Variants in CLEC16A observed in about 807,000 individuals in gnomAD.
The protein encoded by CLEC16A is protein CLEC16A.
A neutral mutation model predicts 109.5 loss-of-function variants in CLEC16A; 51 were observed. The ratio of observed to expected loss-of-function variants is 0.47; its 90% CI spans 0.37 to 0.59. The LOEUF (loss-of-function observed/expected upper bound fraction) is 0.59, where lower values mean the gene tolerates loss of function less well. Among genes scored for constraint, CLEC16A ranks in the 20% least tolerant of loss-of-function variants. The pLI, the probability that CLEC16A is intolerant of heterozygous loss-of-function variation, is 0.00. For synonymous variants in CLEC16A, 673 were observed against 564.2 expected (o/e 1.19, Z -2.73); for missense variants, 1,339 against 1,394.0 (o/e 0.96, Z 0.63).
chr16:11,106,456 A>ATTTTTTTTTTTTTTTTTTTTTTT (rs538713695), intron 19 of CLEC16A, among the ~76,000 whole-genome samples: 1 of 133,560 alleles, frequency 7.5e-6, no homozygotes. Context: ...ACCCAGCCCA[A>ATTTTTTTTTTTTTTTTTTTTTTT]TTTTTTTTTT....
chr16:10,972,402 C>T, intron 5 of CLEC16A, 152 bp from the exon 6 acceptor site: 1 of 658,538 alleles, frequency 1.5e-6, no homozygotes, highest in Non-Finnish European at 2.7e-6. Flanking sequence ...TTTCTCCTGT[C>T]TCCTTCTAAC....
chr16:11,142,460 T>G (rs893578216), intron 22 of CLEC16A, among the ~76,000 whole-genome samples: 27 of 152,368 alleles, frequency 1.8e-4, no homozygotes, highest in South Asian at 4.1e-4. Context: ...ATGAGCCGAG[T>G]GGCATTTGCC....
chr16:11,084,070 G>A (rs1335441741), intron 19 of CLEC16A, among the ~76,000 whole-genome samples: 3 of 152,050 alleles, frequency 2.0e-5, no homozygotes, highest in Non-Finnish European at 2.9e-5. Context: ...CTCCAGCCCC[G>A]CGGCCTGGCT....
rs1392467824 is a variant in CLEC16A at position 11,174,433 on chromosome 16, G to A, written c.2807-3902G>A. 6.6e-6 allele frequency among the ~76,000 whole-genome samples: 1 copy of A among 152,228 alleles called. No individual in the cohort carries two copies. Among genetic ancestry groups the A allele is most frequent in the East Asian group, 1.9e-4 (1 of 5,194 alleles). On this transcript the variant is annotated intron_variant, in intron 23 of 23. Coordinates refer to ENST00000409790, the MANE Select transcript of CLEC16A (RefSeq NM_015226.3). The surrounding 1 kb of genome is among the most constrained non-coding windows in gnomAD (Gnocchi z 4.7). ...ACTTCCCCATTTTCCCCCAAAGTTG[G>A]TTCTCCCTGCTCCCTGTCTGGCCTC...
At chr16:11,020,810 G>A in intron 12 of CLEC16A, among the ~76,000 whole-genome samples, 1 of 152,220 alleles carries the variant, frequency 6.6e-6, no homozygotes, top group East Asian at 1.9e-4. Context: ...TTGCCTGATT[G>A]TTCATTTCAT....
At chr16:11,120,807 T>TACAAACACAC in intron 20 of CLEC16A, 41 bp downstream of exon 20, 1 of 1,392,628 alleles carries the variant, frequency 7.2e-7, no homozygotes, top group South Asian at 1.6e-5. Flanking sequence ...CTCAGTTGGC[T>TACAAACACAC]ACAAACACAC....
chr16:10,980,092 T>G (rs74460762), intron 9 of CLEC16A, among the ~76,000 whole-genome samples: 2,528 of 152,348 alleles, frequency 0.017, 64 homozygotes, highest in African/African-American at 0.057. Context: ...GAATTCTGTT[T>G]CCGCTTTTGC....
At chr16:10,971,575 A>AAT (rs1316591456) in intron 5 of CLEC16A, 1 of 952,792 alleles carries the variant, frequency 1.0e-6, no homozygotes, top group Admixed American at 6.2e-5. Context: ...TGGCTTGTGA[A>AAT]ATATACTTTA....
At chr16:11,102,254 G>A (rs766350745) in intron 19 of CLEC16A, among the ~76,000 whole-genome samples, 25 of 152,182 alleles carry the variant, frequency 1.6e-4, no homozygotes, top group East Asian at 5.8e-4. Flanking sequence ...ATAAGATTGC[G>A]TTTCACTTAA....
Position 11,060,980 on chromosome 16 carries a change from C to G in CLEC16A, c.2074C>G (p.Arg692Gly), listed in dbSNP as rs778016226. 1 of 1,612,170 alleles carries G rather than the reference C, an allele frequency of 6.2e-7. No homozygotes were observed. The highest frequency in any genetic ancestry group is 1.1e-5 in the South Asian group (1 of 90,964). Residue 692 changes from arginine (R) to glycine (G), a missense_variant, in exon 19 of 24, where the codon CGG becomes GGG. Transcript: ENST00000409790. ...GCCTGAGACACAGTTGCCGCTGACT[C>G]GGGAGGAGGACCTGATCAAGACTGA... is the stretch of plus-strand genomic sequence containing the variant. Reference protein sequence around the residue: ...GEPETQLPLTREEDLIKTDDV... With the variant: ...GEPETQLPLTGEEDLIKTDDV...
At chr16:11,003,005 G>T (rs962749735) in intron 10 of CLEC16A, 69 bp from the exon 11 acceptor site, 12 of 1,310,730 alleles carry the variant, frequency 9.2e-6, no homozygotes, top group Non-Finnish European at 1.2e-5. Flanking sequence ...AAACTTTTGG[G>T]CAACTTGATA....
In CLEC16A at chr16:10,954,144, C is replaced by A. The variant is rs2041874593; in HGVS notation, c.81-3638C>A. Among the ~76,000 whole-genome samples, 1 of 152,218 alleles carries A rather than the reference C, an allele frequency of 6.6e-6. No individual in the cohort carries two copies. Among genetic ancestry groups the A allele is most frequent in the South Asian group, 2.1e-4 (1 of 4,838 alleles). On this transcript the variant is annotated intron_variant, in intron 1 of 23. Coordinates refer to ENST00000409790, the MANE Select transcript of CLEC16A (RefSeq NM_015226.3). This position sits in a 1 kb window ranked among gnomAD's most constrained non-coding sequence, Gnocchi z 4.2. ...TGGCGCCACCGACCAGGGCAAAGAA[C>A]ACCAAGTATTGAGAGGCCAAGAAAC... is the stretch of plus-strand genomic sequence containing the variant.
intron 2 of CLEC16A, among the ~76,000 whole-genome samples, chr16:10,958,901 C>T (rs922806681): frequency 6.6e-6 from 1 of 151,018 alleles, no homozygotes; most frequent in Admixed American, 6.6e-5. Flanking sequence ...GAGACCATGT[C>T]TCAAAAAAAA....
chr16:10,969,355 GGCT>G, intron 4 of CLEC16A, 46 bp downstream of exon 4: 2 of 1,380,218 alleles, frequency 1.4e-6, no homozygotes, highest in Admixed American at 3.1e-5. Flanking sequence ...AGCCACACGT[GGCT>G]TTTTTTTTTT....
intron 19 of CLEC16A, among the ~76,000 whole-genome samples, chr16:11,075,776 G>A (rs1173989354): frequency 2.0e-5 from 3 of 152,000 alleles, no homozygotes; most frequent in African/African-American, 7.3e-5. Flanking sequence ...GAGGTGCTTG[G>A]GAGGATGAGA....
intron 22 of CLEC16A, among the ~76,000 whole-genome samples, chr16:11,144,366 T>C (rs2053965861): frequency 6.6e-6 from 1 of 152,134 alleles, no homozygotes; most frequent in Non-Finnish European, 1.5e-5. Flanking sequence ...TCTTTGCTCC[T>C]CCAGGCAGAC....
At chr16:10,988,041 G>A (rs2043776776) in intron 10 of CLEC16A, among the ~76,000 whole-genome samples, 1 of 152,186 alleles carries the variant, frequency 6.6e-6, no homozygotes, top group African/African-American at 2.4e-5. Context: ...AAAATCATAT[G>A]GTTCCTGCTA....
chr16:11,048,733 T>C (rs1242892622), intron 17 of CLEC16A, among the ~76,000 whole-genome samples: 4 of 152,134 alleles, frequency 2.6e-5, no homozygotes, highest in Non-Finnish European at 5.9e-5. Flanking sequence ...CTACAGCCCC[T>C]CATCATTCCT....
chr16:10,979,043 G>T (rs978292474), intron 8 of CLEC16A, among the ~76,000 whole-genome samples: 1 of 152,032 alleles, frequency 6.6e-6, no homozygotes, highest in Admixed American at 6.5e-5. Context: ...ACAAATGAAC[G>T]TGCTTGGTAA....
Sources: gnomAD v4.1 joint callset for allele counts (sites outside exome capture counted in the v4.1 genomes callset) on GRCh38, gnomAD v4.1.1 for gene constraint, Gnocchi (gnomAD v3.1) non-coding constraint, MANE v1.5 for transcripts, NCBI Gene and HGNC (gene_info 2026-07-23, HGNC 2026-07-21) for gene names.